Variants in ADAMTSL1 observed in about 807,000 individuals in gnomAD.
ADAMTSL1 encodes the protein ADAMTS like 1.
Under a neutral mutation model 201.8 loss-of-function variants are expected in ADAMTSL1, and 126 were observed. The observed-to-expected ratio is 0.62, with a 90% CI of 0.54 to 0.72. The LOEUF is 0.72. ADAMTSL1 is among the 30% of genes least tolerant of loss of function. The pLI is 0.00. For missense variants in ADAMTSL1, 2,679 were observed against 2,277.8 expected (o/e 1.18, Z -3.59); for synonymous variants, 1,121 against 903.4 (o/e 1.24, Z -4.32).
chr9:18,653,539 G>A (rs1348604637), intron 7 of ADAMTSL1, among the ~76,000 whole-genome samples: 1 of 151,874 alleles, frequency 6.6e-6, no homozygotes, highest in Non-Finnish European at 1.5e-5. Context: ...ACTTTTGGGA[G>A]CTGAGGCAGG....
intron 23 of ADAMTSL1, among the ~76,000 whole-genome samples, chr9:18,884,667 T>C (rs1334756389): frequency 6.6e-6 from 1 of 152,238 alleles, no homozygotes; most frequent in Non-Finnish European, 1.5e-5. Context: ...CCTTTCCCCA[T>C]TGAATGGTCT....
intron 1 of ADAMTSL1, among the ~76,000 whole-genome samples, chr9:18,037,366 T>A (rs150937640): frequency 6.6e-6 from 1 of 152,150 alleles, no homozygotes; most frequent in Non-Finnish European, 1.5e-5. Flanking sequence ...CTACACAAAT[T>A]TGCAGGACTA....
chr9:18,503,440 T>TATATATAC (rs1304107760), intron 1 of ADAMTSL1, among the ~76,000 whole-genome samples: 1 of 148,278 alleles, frequency 6.7e-6, no homozygotes, highest in African/African-American at 2.5e-5. Context: ...TATATATATA[T>TATATATAC]ACCACATTTT....
At chr9:18,557,641 G>T (rs1821183467) in intron 3 of ADAMTSL1, among the ~76,000 whole-genome samples, 1 of 152,022 alleles carries the variant, frequency 6.6e-6, no homozygotes, top group Non-Finnish European at 1.5e-5. Flanking sequence ...CAAGTGGTTT[G>T]TTGGAGACTG....
At chr9:18,246,803 G>A (rs1037456829) in intron 2 of ADAMTSL1, among the ~76,000 whole-genome samples, 1 of 152,064 alleles carries the variant, frequency 6.6e-6, no homozygotes, top group East Asian at 1.9e-4. Context: ...ACCACTATCA[G>A]TAACAACCAC....
At chr9:18,281,287 A>G (rs977018532) in intron 2 of ADAMTSL1, among the ~76,000 whole-genome samples, 2 of 152,190 alleles carry the variant, frequency 1.3e-5, no homozygotes, top group Admixed American at 1.3e-4. Flanking sequence ...ATATATATAT[A>G]TATTTACACT....
chr9:18,299,184 C>G (rs1455687276), intron 2 of ADAMTSL1, among the ~76,000 whole-genome samples: 1 of 151,976 alleles, frequency 6.6e-6, no homozygotes, highest in Non-Finnish European at 1.5e-5. Flanking sequence ...TGAGCTCATA[C>G]AGCTAATAAG....
chr9:18,340,896 A>G (rs1210096354), intron 2 of ADAMTSL1, among the ~76,000 whole-genome samples: 2 of 152,134 alleles, frequency 1.3e-5, no homozygotes, highest in African/African-American at 4.8e-5. Flanking sequence ...CAGCATGAGA[A>G]CAGACTAATA....
intron 2 of ADAMTSL1, among the ~76,000 whole-genome samples, chr9:18,187,807 T>G (rs7032289): frequency 1.3e-5 from 2 of 152,038 alleles, no homozygotes; most frequent in African/African-American, 4.8e-5. Flanking sequence ...TCACTTGGAC[T>G]TCATTTGCTA....
chr9:17,956,258 C>G (rs1019417249), intron 1 of ADAMTSL1, among the ~76,000 whole-genome samples: 5 of 152,058 alleles, frequency 3.3e-5, no homozygotes, highest in African/African-American at 1.2e-4. Context: ...GAGAGATGAT[C>G]TTAGTCTCGT....
intron 1 of ADAMTSL1, among the ~76,000 whole-genome samples, chr9:18,035,650 A>G (rs977682464): frequency 4.6e-5 from 7 of 152,048 alleles, no homozygotes; most frequent in Admixed American, 3.3e-4. Context: ...TGCCCTGCTC[A>G]AGTTTTTCCT....
chr9:18,561,637 C>A (rs1175190222), intron 3 of ADAMTSL1, among the ~76,000 whole-genome samples: 2 of 152,136 alleles, frequency 1.3e-5, no homozygotes, highest in East Asian at 3.8e-4. Context: ...GTGTTAAAAT[C>A]TCTCAATATT....
chr9:18,799,769 A>G (rs1417422078), intron 20 of ADAMTSL1, among the ~76,000 whole-genome samples: 1 of 152,168 alleles, frequency 6.6e-6, no homozygotes, highest in African/African-American at 2.4e-5. Context: ...TATGAGTTGA[A>G]TAACTGATAC....
intron 1 of ADAMTSL1, among the ~76,000 whole-genome samples, chr9:17,928,534 A>G (rs921113648): frequency 1.3e-5 from 2 of 152,142 alleles, no homozygotes; most frequent in African/African-American, 2.4e-5. Context: ...TAACCTGCAA[A>G]TATTGACATT....
chr9:18,349,308 G>A (rs191182910), intron 2 of ADAMTSL1, among the ~76,000 whole-genome samples: 6 of 152,234 alleles, frequency 3.9e-5, no homozygotes, highest in Non-Finnish European at 8.8e-5. Context: ...GCCACATGTT[G>A]GTCATCACAA....
chr9:18,622,435 C>A, intron 5 of ADAMTSL1, 66 bp downstream of exon 5: 1 of 1,604,446 alleles, frequency 6.2e-7, no homozygotes. Flanking sequence ...TTAGGTCTGG[C>A]CCCACTAAAC....
At chr9:17,928,027 C>T (rs1303532872) in intron 1 of ADAMTSL1, among the ~76,000 whole-genome samples, 3 of 149,318 alleles carry the variant, frequency 2.0e-5, no homozygotes, top group Non-Finnish European at 4.4e-5. Context: ...CAGGGTCTTG[C>T]TCTGTCGCCC....
intron 5 of ADAMTSL1, among the ~76,000 whole-genome samples, chr9:18,625,179 A>G (rs1182778476): frequency 6.6e-6 from 1 of 152,318 alleles, no homozygotes; most frequent in East Asian, 1.9e-4. Flanking sequence ...TCTTCTGCCA[A>G]AAGGCACTGT....
chr9:18,531,086 C>A (rs967516017), intron 2 of ADAMTSL1, among the ~76,000 whole-genome samples: 1 of 152,142 alleles, frequency 6.6e-6, no homozygotes, highest in African/African-American at 2.4e-5. Flanking sequence ...AGAACACATC[C>A]TTTTCTTAGG....
Sources: allele counts gnomAD v4.1 joint callset (sites outside exome capture counted in the v4.1 genomes callset), GRCh38; gene constraint gnomAD v4.1.1; transcripts MANE v1.5; gene names NCBI Gene and HGNC (gene_info 2026-07-23, HGNC 2026-07-21).